TMEM132D: variants seen among roughly 807,000 people sequenced by gnomAD.
TMEM132D encodes the protein transmembrane protein 132D.
TMEM132D carries 21 observed loss-of-function variants against 62.3 expected under a neutral mutation model. The observed-to-expected ratio is 0.34, with a 90% CI of 0.24 to 0.49. The LOEUF (loss-of-function observed/expected upper bound fraction) is 0.49, where lower values mean the gene tolerates loss of function less well. TMEM132D is among the 20% of genes least tolerant of loss of function. The probability of loss-of-function intolerance (pLI) is 0.99; values close to 1 mark genes in which losing one functional copy is unlikely to be tolerated. For missense variants in TMEM132D, 1,346 were observed against 1,402.8 expected (o/e 0.96, Z 0.65); for synonymous variants, 621 against 575.6 (o/e 1.08, Z -1.13).
At chr12:129,075,232 T>C (rs1874213756) in intron 8 of TMEM132D, among the ~76,000 whole-genome samples, 173 bp from the exon 9 acceptor site, 1 of 151,436 alleles carries the variant, frequency 6.6e-6, no homozygotes, top group Non-Finnish European at 1.5e-5. Flanking sequence ...AGAAAATGAA[T>C]TCTCACAAAG....
chr12:129,192,175 G>A (rs1593291407), intron 5 of TMEM132D, among the ~76,000 whole-genome samples: 1 of 152,122 alleles, frequency 6.6e-6, no homozygotes, highest in Non-Finnish European at 1.5e-5. Flanking sequence ...GCACTCACTG[G>A]GGAGGTCTGG....
intron 2 of TMEM132D, among the ~76,000 whole-genome samples, chr12:129,636,853 A>G (rs1004879130): frequency 6.6e-6 from 1 of 152,104 alleles, no homozygotes; most frequent in African/African-American, 2.4e-5. Flanking sequence ...ATTTTTCTCC[A>G]TATTTGACAA....
intron 8 of TMEM132D, among the ~76,000 whole-genome samples, chr12:129,077,698 CACATATGCACACAT>C (rs1342552016): frequency 6.6e-6 from 1 of 152,052 alleles, no homozygotes; most frequent in Non-Finnish European, 1.5e-5. Context: ...ACAACACACA[CACATATGCACACAT>C]ACAAACAACA....
chr12:129,708,387 C>A (rs1881554832), intron 1 of TMEM132D, among the ~76,000 whole-genome samples: 1 of 151,992 alleles, frequency 6.6e-6, no homozygotes, highest in Non-Finnish European at 1.5e-5. Flanking sequence ...AAATACAAAG[C>A]CTGGAAATTA....
At chr12:129,607,649 T>G (rs1878662585) in intron 2 of TMEM132D, among the ~76,000 whole-genome samples, 1 of 152,204 alleles carries the variant, frequency 6.6e-6, no homozygotes, top group South Asian at 2.1e-4. Context: ...CTGGTGCAGT[T>G]AACCCTTGAC....
chr12:129,163,668 C>A (rs1169555990), intron 5 of TMEM132D, among the ~76,000 whole-genome samples: 1 of 152,224 alleles, frequency 6.6e-6, no homozygotes, highest in Non-Finnish European at 1.5e-5. Context: ...CCAGCACCAA[C>A]TCCCGCTCCC....
At chr12:129,653,609 A>G (rs991941516) in intron 2 of TMEM132D, among the ~76,000 whole-genome samples, 1 of 152,198 alleles carries the variant, frequency 6.6e-6, no homozygotes, top group Non-Finnish European at 1.5e-5. Context: ...GACGCCACCA[A>G]TGGCAACTGG....
chr12:129,448,155 A>G (rs116871114), intron 3 of TMEM132D, among the ~76,000 whole-genome samples: 1,613 of 152,190 alleles, frequency 0.011, 15 homozygotes, highest in Non-Finnish European at 0.013. Context: ...ATTCTTTACA[A>G]TCATACAGTG....
In TMEM132D at chr12:129,139,967, C is replaced by T. The variant is rs539100791; in HGVS notation, c.1444-55265G>A. On this transcript the variant is annotated intron_variant, in intron 5 of 8. Coordinates refer to ENST00000422113, the MANE Select transcript of TMEM132D (RefSeq NM_133448.3). ...CTGGGCTCAAGCTATCCTCCCTCCT[C>T]GGCCTCCCAAAGTGTTGGGATTACA... Among the ~76,000 whole-genome samples the T allele has an allele frequency of 7.2e-5, 11 of 152,148 alleles. No individual in the cohort carries two copies. In the East Asian group the frequency reaches 1.2e-3, roughly 16 times the overall value.
rs776704305 is a variant in TMEM132D at position 129,889,032 on chromosome 12, T to TTTTTA, written c.79+14228_79+14229insTAAAA. 4.6e-5 allele frequency among the ~76,000 whole-genome samples: 7 copies of TTTTTA among 152,332 alleles called. No individual in the cohort carries two copies. In the South Asian group the frequency reaches 1.0e-3, roughly 23 times the overall value. On this transcript the variant is annotated intron_variant, in intron 1 of 8. Transcript: ENST00000422113. ...TGATGGAACTAAGAGAAACGTTCTT[T>TTTTTA]CTTTTTACTAAAGTTAGGATAAGAT...
chr12:129,569,683 C>T (rs78680720), intron 2 of TMEM132D, among the ~76,000 whole-genome samples: 1,992 of 152,282 alleles, frequency 0.013, 44 homozygotes, highest in African/African-American at 0.045. Flanking sequence ...ATTTATGTAA[C>T]ACCCTCAACG....
At chr12:129,758,079 A>T (rs748966059) in intron 1 of TMEM132D, among the ~76,000 whole-genome samples, 80 of 151,932 alleles carry the variant, frequency 5.3e-4, no homozygotes, top group Non-Finnish European at 9.6e-4. Flanking sequence ...ATTATTTTGT[A>T]TTTTTAGTAG....
At chr12:129,625,574 G>A (rs1449144483) in intron 2 of TMEM132D, among the ~76,000 whole-genome samples, 3 of 152,186 alleles carry the variant, frequency 2.0e-5, no homozygotes, top group Admixed American at 6.5e-5. Context: ...CTAGGCTGAC[G>A]ATATGCTCAC....
intron 3 of TMEM132D, among the ~76,000 whole-genome samples, chr12:129,511,637 T>A (rs975838228): frequency 6.6e-6 from 1 of 152,218 alleles, no homozygotes; most frequent in African/African-American, 2.4e-5. Flanking sequence ...TATATCTACT[T>A]TTGTGAAATC....
In TMEM132D at chr12:129,218,309, G is replaced by A. The variant is rs142113428; in HGVS notation, c.1300-8646C>T. On this transcript the variant is annotated intron_variant, in intron 4 of 8. Transcript: ENST00000422113. ...GTCACTAAGGATGGGGATACATTCC[G>A]AGAAATGCATTGTTAGGCGATTTCA... Among the ~76,000 whole-genome samples, 7 of 152,282 alleles carry A rather than the reference G, an allele frequency of 4.6e-5. 1 individual carries two copies. The highest frequency in any genetic ancestry group is 1.3e-4 in the Admixed American group (2 of 15,306).
intron 3 of TMEM132D, among the ~76,000 whole-genome samples, chr12:129,396,956 G>A (rs1345821506): frequency 1.3e-5 from 2 of 152,130 alleles, no homozygotes; most frequent in Non-Finnish European, 2.9e-5. Flanking sequence ...CACATTGCTT[G>A]TACACCTGAG....
chr12:129,129,840 C>A (rs117605016), intron 5 of TMEM132D, among the ~76,000 whole-genome samples: 1,545 of 152,194 alleles, frequency 0.01, 13 homozygotes, highest in Middle Eastern at 0.058. Flanking sequence ...GCTTTTTATG[C>A]CTCCTCAGGT....
At chr12:129,705,993 T>A (rs1245132866) in intron 1 of TMEM132D, among the ~76,000 whole-genome samples, 1 of 152,092 alleles carries the variant, frequency 6.6e-6, no homozygotes, top group African/African-American at 2.4e-5. Flanking sequence ...ACTTTTCTGA[T>A]AACTTAAATT....
intron 4 of TMEM132D, among the ~76,000 whole-genome samples, chr12:129,288,481 G>A (rs1881363781): frequency 6.6e-6 from 1 of 152,168 alleles, no homozygotes; most frequent in African/African-American, 2.4e-5. Flanking sequence ...ACATACAAAT[G>A]GCCAATAGGT....
Sources: gnomAD v4.1 joint callset for allele counts (sites outside exome capture counted in the v4.1 genomes callset) on GRCh38, gnomAD v4.1.1 for gene constraint, MANE v1.5 for transcripts, NCBI Gene and HGNC (gene_info 2026-07-23, HGNC 2026-07-21) for gene names.